The following MYRF variants were observed in gnomAD, a reference collection of about 807,000 sequenced individuals.
MYRF encodes the protein myelin gene regulatory factor.
A neutral mutation model predicts 126.3 loss-of-function variants in MYRF; 16 were observed. The observed-to-expected ratio is 0.13, with a 90% CI of 0.09 to 0.19. The LOEUF is 0.19. MYRF is among the 10% of genes least tolerant of loss of function. The probability of loss-of-function intolerance (pLI) is 1.00; values close to 1 mark genes in which losing one functional copy is unlikely to be tolerated. For synonymous variants in MYRF, 608 were observed against 635.3 expected (o/e 0.96, Z 0.65); for missense variants, 1,104 against 1,547.0 (o/e 0.71, Z 4.80).
At position 61,766,127 on chromosome 11, in the gene MYRF, A is replaced by C; in HGVS notation, c.304A>C (p.Asn102His). Residue 102 changes from asparagine (N) to histidine (H), a missense_variant, in exon 3 of 27, where the codon AAC becomes CAC. Asn to His is a moderately conservative substitution (Grantham distance 68). Transcript: ENST00000278836. Reference protein sequence around the residue: ...PPGYGTPLNCNNNNGMGAAPK... With the variant: ...PPGYGTPLNCHNNNGMGAAPK... ...GGGCTACGGCACCCCGCTGAACTGC[A>C]ACAACAACAACGGCATGGGCGCTGC... 6.2e-7 allele frequency: 1 copy of C among 1,609,274 alleles called. No individual in the cohort carries two copies. Among genetic ancestry groups the C allele is most frequent in the Non-Finnish European group, 8.5e-7 (1 of 1,178,746 alleles).
chr11:61,776,713 A>C lies in MYRF; in HGVS notation c.1500-74A>C. 1.7e-6 allele frequency: 2 copies of C among 1,197,136 alleles called. No homozygotes were observed. The highest frequency in any genetic ancestry group is 1.5e-5 in the African/African-American group (1 of 65,588). 74.2% of individuals were successfully genotyped at this position (1,197,136 alleles called of 1,614,324 possible). On this transcript the variant is annotated intron_variant, in intron 10 of 26. Transcript: ENST00000278836. This position sits in a 1 kb window ranked among gnomAD's most constrained non-coding sequence, Gnocchi z 4.3. ...GTAGGAGGGGGTGAGATGAACATGC[A>C]TCTGGCCAGGGAAAGGGTGGCCCTG...
intron 1 of MYRF, among the ~76,000 whole-genome samples, chr11:61,760,357 C>T (rs1279267840): frequency 2.6e-5 from 4 of 152,162 alleles, no homozygotes; most frequent in Non-Finnish European, 5.9e-5. Context: ...GGAGATGAGC[C>T]ACAGCACTGG....
intron 8 of MYRF, among the ~76,000 whole-genome samples, chr11:61,775,093 G>A (rs901302681): frequency 2.6e-5 from 4 of 152,088 alleles, no homozygotes; most frequent in African/African-American, 9.7e-5. Flanking sequence ...TCCGGTCCTC[G>A]CCTCTTTCCT....
At position 61,766,237 on chromosome 11, in the gene MYRF, G is replaced by A. The variant is rs776118186; in HGVS notation, c.398+16G>A. 8.2e-6 allele frequency: 13 copies of A among 1,592,094 alleles called. No individual in the cohort carries two copies. Among genetic ancestry groups the A allele is most frequent in the Non-Finnish European group, 1.7e-6 (2 of 1,171,408 alleles). ...ATGCCCCAGGGTGAGTAAGGGCAGG[G>A]AGTAGGGGGATACAGCGGCATAGGG... On this transcript the variant is annotated intron_variant, in intron 3 of 26. Coordinates refer to ENST00000278836, the MANE Select transcript of MYRF (RefSeq NM_001127392.3).
chr11:61,759,752 A>C (rs913011064), intron 1 of MYRF, among the ~76,000 whole-genome samples: 21 of 152,052 alleles, frequency 1.4e-4, no homozygotes, highest in African/African-American at 4.6e-4. Flanking sequence ...AGAAGCTGGG[A>C]GAGAACAAAG....
rs1035594746 is a variant in MYRF, at chr11:61,786,100, C to G, written c.3413C>G (p.Pro1138Arg). 3 of 1,614,104 alleles carry G rather than the reference C, an allele frequency of 1.9e-6. No homozygotes were observed. Among genetic ancestry groups the G allele is most frequent in the African/African-American group, 1.3e-5 (1 of 74,944 alleles). Residue 1138 changes from proline (P) to arginine (R), a missense_variant, in exon 27 of 27, where the codon CCA becomes CGA. Pro to Arg is a moderately radical substitution (Grantham distance 103, BLOSUM62 -2). Transcript: ENST00000278836. This position sits in a 1 kb window ranked among gnomAD's most constrained non-coding sequence, Gnocchi z 4.5. ...ANCSSEALAQPATDYHFHFYR... is the reference protein window; with the variant it reads ...ANCSSEALAQRATDYHFHFYR... ...TGCAGTTCAGAGGCTCTCGCCCAGCCAGCCACAGACTACCACTTCCACTTC... is the reference window on the plus strand; with the variant it reads ...TGCAGTTCAGAGGCTCTCGCCCAGCGAGCCACAGACTACCACTTCCACTTC...
chr11:61,780,027 G>T, intron 17 of MYRF, 97 bp downstream of exon 17: 3 of 1,290,452 alleles, frequency 2.3e-6, no homozygotes, highest in East Asian at 5.0e-5. Flanking sequence ...GGGAAGAGGA[G>T]GATGTAGCTT....
chr11:61,779,194 C>T (rs1437528074), intron 14 of MYRF, 69 bp from the exon 15 acceptor site: 7 of 1,475,232 alleles, frequency 4.7e-6, no homozygotes, highest in African/African-American at 1.4e-5. Flanking sequence ...TGTCTGGCAG[C>T]CTGGGGCTCC....
rs954975828 is a variant in MYRF, at chr11:61,778,287, C to G, written c.1904-93C>G. 1 of 862,894 alleles carries G rather than the reference C, an allele frequency of 1.2e-6. No individual in the cohort carries two copies. The highest frequency in any genetic ancestry group is 1.7e-5 in the African/African-American group (1 of 60,442). The allele number at this position is 862,894 out of a possible 1,614,324, so 53.5% of individuals were successfully genotyped here. ...CAAATCTCTGGGTTCCAGAACTTCA[C>G]CCTCTCCAGTCTTGCTCCCACTGTA... On this transcript the variant is annotated intron_variant, in intron 13 of 26. Transcript: ENST00000278836. The surrounding 1 kb of genome is among the most constrained non-coding windows in gnomAD (Gnocchi z 4.6).
rs2066697570 is a variant in MYRF, at chr11:61,786,450, G to A, written c.*307G>A. Reference sequence around the variant, plus strand: ...TGGTGGTTGGAGGGCTGGTTCAGGTGCCCTGGAGGGAAGGGGAAGCCTGTG... The same window carrying A: ...TGGTGGTTGGAGGGCTGGTTCAGGTACCCTGGAGGGAAGGGGAAGCCTGTG... On this transcript the variant is annotated 3_prime_UTR_variant, in exon 27 of 27. Transcript: ENST00000278836. The surrounding 1 kb of genome is among the most constrained non-coding windows in gnomAD (Gnocchi z 4.5). 9.6e-6 allele frequency: 4 copies of A among 416,990 alleles called. No homozygotes were observed. The highest frequency in any genetic ancestry group is 1.8e-5 in the Non-Finnish European group (4 of 225,324). 25.8% of individuals were successfully genotyped at this position (416,990 alleles called of 1,614,324 possible).
At position 61,773,963 on chromosome 11, in the gene MYRF, C is replaced by CT; in HGVS notation, c.1116-4_1116-3insT. On this transcript the variant is annotated splice_polypyrimidine_tract_variant and splice_region_variant and intron_variant, in intron 7 of 26. Coordinates refer to ENST00000278836, the MANE Select transcript of MYRF (RefSeq NM_001127392.3). Reference sequence around the variant, plus strand: ...CAGGGGAGTGCCCTCACCCGCCCCCCCAGGCCCATGCTCACCTACCGCGTG... The same window carrying CT: ...CAGGGGAGTGCCCTCACCCGCCCCCCTCAGGCCCATGCTCACCTACCGCGTG... The CT allele has an allele frequency of 6.2e-7, 1 of 1,607,086 alleles. No individual in the cohort carries two copies. Among genetic ancestry groups the CT allele is most frequent in the Non-Finnish European group, 8.5e-7 (1 of 1,176,746 alleles).
intron 1 of MYRF, among the ~76,000 whole-genome samples, chr11:61,756,605 C>T (rs2065764334): frequency 7.0e-6 from 1 of 142,942 alleles, no homozygotes; most frequent in Non-Finnish European, 1.5e-5. Flanking sequence ...CCCCAGCACC[C>T]AGTGCAGGGC....
chr11:61,769,442 G>A (rs1359017611), intron 4 of MYRF, 121 bp downstream of exon 4: 19 of 749,706 alleles, frequency 2.5e-5, no homozygotes, highest in African/African-American at 5.2e-5. Flanking sequence ...TGAGATTATC[G>A]CTGGTCAAAT....
In MYRF at chr11:61,778,641, C is replaced by T. The variant is rs79958161; in HGVS notation, c.2013+152C>T. On this transcript the variant is annotated intron_variant, in intron 14 of 26. Coordinates refer to ENST00000278836, the MANE Select transcript of MYRF (RefSeq NM_001127392.3). The surrounding 1 kb of genome is among the most constrained non-coding windows in gnomAD (Gnocchi z 4.6). ...TGCCTCCAGAGCGCCCTCTGCACCC[C>T]ACAGGGAAGGGGTGAGTGTTCAAGG... The T allele has an allele frequency of 1.6e-4, 111 of 678,974 alleles. No homozygotes were observed. The East Asian group carries it at 2.3e-3, about 14-fold the overall frequency. 42.1% of individuals were successfully genotyped at this position (678,974 alleles called of 1,614,324 possible).
intron 7 of MYRF, among the ~76,000 whole-genome samples, chr11:61,773,595 G>T (rs780791197): frequency 2.6e-5 from 4 of 152,202 alleles, no homozygotes; most frequent in Non-Finnish European, 5.9e-5. Flanking sequence ...TCGGGTGAGT[G>T]AGGGGGCTTC....
rs778393490 is a variant in MYRF, at chr11:61,783,882, A to C, written c.3151A>C (p.Ser1051Arg). Residue 1051 changes from serine to arginine, a missense_variant, in exon 24 of 27, where the codon AGT becomes CGT. Coordinates refer to ENST00000278836, the MANE Select transcript of MYRF (RefSeq NM_001127392.3). This position sits in a 1 kb window ranked among gnomAD's most constrained non-coding sequence, Gnocchi z 4.6. ...PGNFTYHIPV[S>R]SGTPLHLSLT... ...GAACTTCACCTACCACATCCCTGTC[A>C]GTAGTGGCACCCCACTGCACCTCAG... 6.2e-7 allele frequency: 1 copy of C among 1,609,816 alleles called. No homozygotes were observed. The highest frequency in any genetic ancestry group is 1.7e-5 in the Admixed American group (1 of 59,424).
chr11:61,768,915 G>T, intron 3 of MYRF: 1 of 236,316 alleles, frequency 4.2e-6, no homozygotes, highest in Non-Finnish European at 8.1e-6. Context: ...AGGAAGCTGT[G>T]GGGCTTCAGT....
intron 3 of MYRF, among the ~76,000 whole-genome samples, chr11:61,768,129 A>AG (rs1159851832): frequency 6.6e-6 from 1 of 151,978 alleles, no homozygotes; most frequent in Admixed American, 6.5e-5. Context: ...AAAAAAAAAA[A>AG]AAAAGAAAGA....
At position 61,779,313 on chromosome 11, in the gene MYRF, G is replaced by A. The variant is rs1369751470; in HGVS notation, c.2064G>A (p.Leu688=). ...GGGCCGTGAAGGAGCTGTGCAAGCT[G>A]ACAGACAACCTGGAGACGCGCATTG... The part of the protein sequence containing the change: ...NVGAVKELCK[L]TDNLETRIDE... The change falls in exon 15 of 27, where the codon CTG becomes CTA. Residue 688 remains leucine (L), a synonymous_variant. Transcript: ENST00000278836. 1.3e-6 allele frequency: 2 copies of A among 1,550,058 alleles called. No individual in the cohort carries two copies. Among genetic ancestry groups the A allele is most frequent in the Admixed American group, 3.9e-5 (2 of 50,976 alleles).
Sources: gnomAD v4.1 joint callset for allele counts (sites outside exome capture counted in the v4.1 genomes callset) on GRCh38, gnomAD v4.1.1 for gene constraint, Gnocchi (gnomAD v3.1) non-coding constraint, MANE v1.5 for transcripts, NCBI Gene and HGNC (gene_info 2026-07-23, HGNC 2026-07-21) for gene names.